The following ENO1 variants were observed in gnomAD, a reference collection of about 807,000 sequenced individuals.
The protein encoded by ENO1 is alpha-enolase.
A neutral mutation model predicts 46.3 loss-of-function variants in ENO1; 33 were observed. The observed-to-expected ratio is 0.71, with a 90% CI of 0.54 to 0.95. The LOEUF is 0.95. Ranked by LOEUF, ENO1 falls within the 40% of genes least tolerant of loss-of-function variation. The pLI is 0.00. For synonymous variants in ENO1, 220 were observed against 216.0 expected, an observed-to-expected ratio of 1.02 and a Z score of -0.16; for missense variants, 488 against 553.3, an observed-to-expected ratio of 0.88 and a Z score of 1.18.
At position 8,865,335 on chromosome 1, in the gene ENO1, G is replaced by A. The variant is rs377334028; in HGVS notation, c.815C>T (p.Ser272Leu). Residue 272 changes from serine (S) to leucine (L), a missense_variant, in exon 8 of 12, where the codon TCG becomes TTG. Ser to Leu is a moderately radical substitution (Grantham distance 145, BLOSUM62 -2). Transcript: ENST00000234590. Reference sequence around the variant, plus strand: ...GTACAGGTCAGCCAGCTGGTCAGGCGAGATGTACCTGCTGGGGTCATCGGG... The same window carrying A: ...GTACAGGTCAGCCAGCTGGTCAGGCAAGATGTACCTGCTGGGGTCATCGGG... ...KSPDDPSRYI[S>L]PDQLADLYKS... The A allele has an allele frequency of 1.4e-5, 23 of 1,614,072 alleles. No individual in the cohort carries two copies. Among genetic ancestry groups the A allele is most frequent in the South Asian group, 1.1e-5 (1 of 91,084 alleles).
At chr1:8,863,712 G>A (rs565977375) in intron 9 of ENO1, among the ~76,000 whole-genome samples, 179 bp downstream of exon 9, 41 of 152,278 alleles carry the variant, frequency 2.7e-4, no homozygotes, top group African/African-American at 9.9e-4. Flanking sequence ...AAAATGTTGG[G>A]ATTACAGGCC....
In ENO1 at chr1:8,863,022, CAG is replaced by C. The variant is rs772393685; in HGVS notation, c.1177-79_1177-78del. ...TTCTGGCAGGGAGAGGGTGTGGTGTCAGAGAGAGAATTTCTAGAGGATCTGAT... is the reference window on the plus strand; with the variant it reads ...TTCTGGCAGGGAGAGGGTGTGGTGTCAGAGAGAATTTCTAGAGGATCTGAT... On this transcript the variant is annotated intron_variant, in intron 10 of 11. Coordinates refer to ENST00000234590, the MANE Select transcript of ENO1 (RefSeq NM_001428.5). 4.4e-5 allele frequency: 69 copies of C among 1,563,232 alleles called. No individual in the cohort carries two copies. The African/African-American group carries it at 6.4e-4, about 14-fold the overall frequency.
chr1:8,873,565 A>G (rs1642675451), intron 2 of ENO1, among the ~76,000 whole-genome samples: 1 of 152,230 alleles, frequency 6.6e-6, no homozygotes, highest in African/African-American at 2.4e-5. Context: ...GATGAAGGGA[A>G]TTCTTGGCAT....
In ENO1 at chr1:8,874,884, T is replaced by G; in HGVS notation, c.25A>C (p.Arg9=). The G allele has an allele frequency of 1.2e-6, 2 of 1,613,964 alleles. No homozygotes were observed. Among genetic ancestry groups the G allele is most frequent in the South Asian group, 2.2e-5 (2 of 91,068 alleles). The part of the protein sequence containing the change: MSILKIHA[R]EIFDSRGNPT... ...TTCCCGCGAGAGTCAAAGATCTCCC[T>G]GGCATGGATCTTGAGAATAGACATG... Residue 9 remains arginine, a synonymous_variant, in exon 2 of 12, where the codon AGG becomes CGG. Transcript: ENST00000234590.
chr1:8,863,426 C>G, intron 9 of ENO1, 83 bp from the exon 10 acceptor site: 1 of 1,368,624 alleles, frequency 7.3e-7, no homozygotes, highest in Non-Finnish European at 9.9e-7. Flanking sequence ...TCGGTGCCAG[C>G]AGGAAAGCAG....
At chr1:8,875,952 G>C (rs995953928) in intron 1 of ENO1, 1 of 151,956 alleles carries the variant, frequency 6.6e-6, no homozygotes, top group Non-Finnish European at 1.5e-5. Flanking sequence ...CTTCCCAACG[G>C]GGTTTTATAA....
At chr1:8,865,072 C>G (rs1348031546) in intron 8 of ENO1, among the ~76,000 whole-genome samples, 1 of 152,206 alleles carries the variant, frequency 6.6e-6, no homozygotes, top group Non-Finnish European at 1.5e-5. Context: ...TCGCTGCTGG[C>G]ACCCGAGCTC....
intron 4 of ENO1, chr1:8,870,232 G>A (rs1642601629): frequency 3.5e-6 from 2 of 568,620 alleles, no homozygotes; most frequent in Non-Finnish European, 6.2e-6. Flanking sequence ...GGCTCGAAGT[G>A]TCTCATTCTT....
intron 6 of ENO1, 72 bp from the exon 7 acceptor site, chr1:8,866,573 C>T (rs1386423757): frequency 2.0e-6 from 3 of 1,497,416 alleles, no homozygotes; most frequent in East Asian, 2.3e-5. Context: ...CCCCTCTGGT[C>T]CTACCATCCC....
At chr1:8,873,534 C>G (rs1217881114) in intron 2 of ENO1, among the ~76,000 whole-genome samples, 1 of 152,224 alleles carries the variant, frequency 6.6e-6, no homozygotes, top group Non-Finnish European at 1.5e-5. Flanking sequence ...CACCCATTGA[C>G]TAAGCAAACC....
At chr1:8,871,782 C>CTGCCAT in intron 3 of ENO1, 109 bp downstream of exon 3, 1 of 1,322,992 alleles carries the variant, frequency 7.6e-7, no homozygotes, top group Non-Finnish European at 1.1e-6. Context: ...GCAGGTTTAC[C>CTGCCAT]TGCCATAAAC....
Position 8,864,101 on chromosome 1 carries a change from A to G in ENO1, c.866-9T>C. 6.2e-7 allele frequency: 1 copy of G among 1,613,860 alleles called. No homozygotes were observed. Among genetic ancestry groups the G allele is most frequent in the Non-Finnish European group, 8.5e-7 (1 of 1,179,900 alleles). Reference sequence around the variant, plus strand: ...ATCTTCGATAGACACCACTAAGGAAAGGAGGGACACGCTTCATCAGTGTGA... The same window carrying G: ...ATCTTCGATAGACACCACTAAGGAAGGGAGGGACACGCTTCATCAGTGTGA... On this transcript the variant is annotated splice_polypyrimidine_tract_variant and intron_variant, in intron 8 of 11. Coordinates refer to ENST00000234590, the MANE Select transcript of ENO1 (RefSeq NM_001428.5).
At chr1:8,863,639 G>C (rs1410168957) in intron 9 of ENO1, among the ~76,000 whole-genome samples, 1 of 152,198 alleles carries the variant, frequency 6.6e-6, no homozygotes, top group Non-Finnish European at 1.5e-5. Context: ...ACAACTACTT[G>C]CTATGTTGCC....
rs748565413 is a variant in ENO1 at position 8,861,398 on chromosome 1, ACTTAGC to A, written c.1261_1266del (p.Ala421_Lys422del). ...GGGTTTCTGAAGTTCCTGCCGGCAA[ACTTAGC>A]CTTGCTGCCCAGCTCCTCTTCAATT... On this transcript the variant is annotated inframe_deletion, in exon 12 of 12. Coordinates refer to ENST00000234590, the MANE Select transcript of ENO1 (RefSeq NM_001428.5). 1.9e-6 allele frequency: 3 copies of A among 1,614,090 alleles called. No individual in the cohort carries two copies. In the Admixed American group the frequency reaches 5.0e-5, roughly 27 times the overall value.
intron 7 of ENO1, 61 bp from the exon 8 acceptor site, chr1:8,865,543 C>A: frequency 6.6e-7 from 1 of 1,523,026 alleles, no homozygotes; most frequent in Non-Finnish European, 9.0e-7. Context: ...AACTTCCCTT[C>A]AACAGCTGCT....
At chr1:8,865,752 C>T (rs1259815235) in intron 7 of ENO1, among the ~76,000 whole-genome samples, 2 of 152,182 alleles carry the variant, frequency 1.3e-5, no homozygotes, top group African/African-American at 4.8e-5. Context: ...TGCCCAGGAA[C>T]AGCTGTCCTG....
chr1:8,874,939 C>T (rs1394322844), intron 1 of ENO1, 22 bp from the exon 2 acceptor site: 3 of 1,586,190 alleles, frequency 1.9e-6, no homozygotes, highest in African/African-American at 1.4e-5. Flanking sequence ...ACACACAGTT[C>T]ATGTTTTCCA....
At chr1:8,870,574 T>C in intron 3 of ENO1, 64 bp from the exon 4 acceptor site, 2 of 1,609,098 alleles carry the variant, frequency 1.2e-6, no homozygotes, top group East Asian at 2.2e-5. Context: ...GCAGCATTGT[T>C]AGAGAGAACC....
chr1:8,872,072 T>C (rs1008093171), intron 2 of ENO1, 86 bp from the exon 3 acceptor site: 2 of 1,135,934 alleles, frequency 1.8e-6, no homozygotes, highest in Non-Finnish European at 2.6e-6. Context: ...ACAGATGCAT[T>C]TGTCATTAGG....
Sources: gnomAD v4.1 joint callset for allele counts (sites outside exome capture counted in the v4.1 genomes callset) on GRCh38, gnomAD v4.1.1 for gene constraint, MANE v1.5 for transcripts, NCBI Gene and HGNC (gene_info 2026-07-23, HGNC 2026-07-21) for gene names.